Variants in ETS1 observed in about 807,000 individuals in gnomAD.
ETS1 encodes the protein ETS proto-oncogene 1, transcription factor.
In ETS1, 15 loss-of-function variants were observed where a neutral mutation model predicts 58.6. The ratio of observed to expected loss-of-function variants is 0.26; its 90% CI spans 0.17 to 0.39. ETS1 has a LOEUF of 0.39. Among genes scored for constraint, ETS1 ranks in the 10% least tolerant of loss-of-function variants. The pLI is 1.00. For missense variants in ETS1, 417 were observed against 610.5 expected, an observed-to-expected ratio of 0.68 and a Z score of 3.34; for synonymous variants, 214 against 218.2, an observed-to-expected ratio of 0.98 and a Z score of 0.17.
rs185928702 is a variant in ETS1, at chr11:128,532,672, C to G, written c.214+23619G>C. ...TCTTGCTCTCCTTTTTTTTTTTCCC[C>G]AGTGACTTTGGGGAGGTTTGGGCAG... is the stretch of plus-strand genomic sequence containing the variant. On this transcript the variant is annotated intron_variant, in intron 3 of 9. Coordinates refer to ENST00000392668, the MANE Select transcript of ETS1 (RefSeq NM_001143820.2). 3.3e-5 allele frequency among the ~76,000 whole-genome samples: 5 copies of G among 151,456 alleles called. No homozygotes were observed. The East Asian group carries it at 9.7e-4, about 29-fold the overall frequency.
chr11:128,464,900 T>C lies in ETS1; in HGVS notation c.1124-1273A>G, dbSNP rs189250651. Among the ~76,000 whole-genome samples the C allele has an allele frequency of 6.6e-6, 1 of 152,272 alleles. No homozygotes were observed. The highest frequency in any genetic ancestry group is 1.5e-5 in the Non-Finnish European group (1 of 67,994). ...TGCTCCTAAAATCCACACCCAACCC[T>C]CTGCTGTAAGGAGAGGCACAAGTGG... On this transcript the variant is annotated intron_variant, in intron 8 of 9. Transcript: ENST00000392668. The surrounding 1 kb of genome is among the most constrained non-coding windows in gnomAD (Gnocchi z 4.1).
At chr11:128,506,486 G>T (rs920835951) in intron 3 of ETS1, among the ~76,000 whole-genome samples, 1 of 152,148 alleles carries the variant, frequency 6.6e-6, no homozygotes, top group African/African-American at 2.4e-5. Flanking sequence ...CGGCTGAAGC[G>T]GAAGGTTTTG....
At position 128,513,702 on chromosome 11, in the gene ETS1, A is replaced by G. The variant is rs888032154; in HGVS notation, c.215-23126T>C. Among the ~76,000 whole-genome samples the G allele has an allele frequency of 5.9e-5, 9 of 152,254 alleles. No homozygotes were observed. In the East Asian group the frequency reaches 1.5e-3, roughly 26 times the overall value. On this transcript the variant is annotated intron_variant, in intron 3 of 9. Transcript: ENST00000392668. Reference sequence around the variant, plus strand: ...GGTACTAGAAGTACAAAAGTCGGTTACATGGAAACTCTTTCACTGAAAATT... The same window carrying G: ...GGTACTAGAAGTACAAAAGTCGGTTGCATGGAAACTCTTTCACTGAAAATT...
chr11:128,579,981 T>C (rs1296829350), intron 1 of ETS1, among the ~76,000 whole-genome samples: 1 of 151,916 alleles, frequency 6.6e-6, no homozygotes, highest in African/African-American at 2.4e-5. Flanking sequence ...CCTGTATCTA[T>C]GCCTGTTTCT....
intron 8 of ETS1, among the ~76,000 whole-genome samples, chr11:128,469,754 T>C (rs1364199066): frequency 6.6e-6 from 1 of 152,172 alleles, no homozygotes; most frequent in African/African-American, 2.4e-5. Context: ...AAAATTATTT[T>C]AAGAAGATTA....
intron 3 of ETS1, among the ~76,000 whole-genome samples, chr11:128,551,135 G>A (rs1864221799): frequency 6.6e-6 from 1 of 152,244 alleles, no homozygotes; most frequent in African/African-American, 2.4e-5. Context: ...AAAGAAGAGA[G>A]GGGTGCAGCA....
intron 1 of ETS1, among the ~76,000 whole-genome samples, chr11:128,578,507 C>T (rs1220331099): frequency 6.6e-6 from 1 of 152,006 alleles, no homozygotes; most frequent in Non-Finnish European, 1.5e-5. Context: ...CTTTTGAAAT[C>T]AGCAGTTTTT....
chr11:128,464,642 T>A lies in ETS1; in HGVS notation c.1124-1015A>T, dbSNP rs1265960626. On this transcript the variant is annotated intron_variant, in intron 8 of 9. Coordinates refer to ENST00000392668, the MANE Select transcript of ETS1 (RefSeq NM_001143820.2). This position sits in a 1 kb window ranked among gnomAD's most constrained non-coding sequence, Gnocchi z 4.1. ...GACTGGGAAAGACCCAGTCCATGTC[T>A]CTGGATACAGCCCAGGAAGCACCAG... Among the ~76,000 whole-genome samples the A allele has an allele frequency of 6.6e-6, 1 of 152,146 alleles. No individual in the cohort carries two copies. The highest frequency in any genetic ancestry group is 1.5e-5 in the Non-Finnish European group (1 of 68,030).
Position 128,503,801 on chromosome 11 carries a change from A to G in ETS1, c.215-13225T>C, listed in dbSNP as rs184600421. ...GAGTCAGGAGAAGGCAGAGAGACAC[A>G]CATTCTTACCCTAAAGCAAGGCTGA... is the stretch of plus-strand genomic sequence containing the variant. On this transcript the variant is annotated intron_variant, in intron 3 of 9. Transcript: ENST00000392668. Among the ~76,000 whole-genome samples the G allele has an allele frequency of 6.6e-5, 10 of 152,262 alleles. No individual in the cohort carries two copies. In the East Asian group the frequency reaches 1.7e-3, roughly 26 times the overall value.
chr11:128,489,163 C>G, intron 5 of ETS1, 127 bp downstream of exon 5: 2 of 773,598 alleles, frequency 2.6e-6, no homozygotes, highest in Non-Finnish European at 4.6e-6. Context: ...AGGCACATTC[C>G]CACATACGTC....
At chr11:128,529,865 A>AG (rs1863867553) in intron 3 of ETS1, among the ~76,000 whole-genome samples, 1 of 152,146 alleles carries the variant, frequency 6.6e-6, no homozygotes, top group African/African-American at 2.4e-5. Context: ...TAGCTTCACC[A>AG]ATGCTAACTC....
At chr11:128,541,629 A>T (rs903978821) in intron 3 of ETS1, among the ~76,000 whole-genome samples, 1 of 152,130 alleles carries the variant, frequency 6.6e-6, no homozygotes, top group Non-Finnish European at 1.5e-5. Context: ...AATTTTTGTT[A>T]CTTCTTAACC....
intron 3 of ETS1, among the ~76,000 whole-genome samples, chr11:128,531,100 C>T (rs1206882616): frequency 1.3e-5 from 2 of 152,198 alleles, no homozygotes; most frequent in African/African-American, 4.8e-5. Flanking sequence ...GGTTTCCTCA[C>T]TATAGAATAA....
At chr11:128,560,117 T>G (rs1217134399) in intron 2 of ETS1, among the ~76,000 whole-genome samples, 2 of 152,180 alleles carry the variant, frequency 1.3e-5, no homozygotes, top group African/African-American at 4.8e-5. Flanking sequence ...GTCTCCTTTT[T>G]TTTTTTTTCT....
intron 1 of ETS1, among the ~76,000 whole-genome samples, chr11:128,581,911 G>A (rs1864878314): frequency 6.6e-6 from 1 of 152,150 alleles, no homozygotes; most frequent in Non-Finnish European, 1.5e-5. Context: ...TTGCAATAAT[G>A]CCCCTTTAAA....
At chr11:128,539,475 C>T (rs748382599) in intron 3 of ETS1, among the ~76,000 whole-genome samples, 2 of 151,778 alleles carry the variant, frequency 1.3e-5, no homozygotes, top group East Asian at 3.9e-4. Flanking sequence ...TAAAGAAATG[C>T]AAATCAAAAC....
At chr11:128,536,833 C>T (rs895553650) in intron 3 of ETS1, 1 of 152,234 alleles carries the variant, frequency 6.6e-6, no homozygotes, top group African/African-American at 2.4e-5. Flanking sequence ...TCATTTCATA[C>T]TCTCTTCATA....
intron 8 of ETS1, among the ~76,000 whole-genome samples, chr11:128,478,511 C>CG (rs1862397311): frequency 6.6e-6 from 1 of 151,910 alleles, no homozygotes. Flanking sequence ...GGGCAGGCAA[C>CG]TATCAATCTA....
intron 8 of ETS1, among the ~76,000 whole-genome samples, chr11:128,476,329 T>A (rs551298798): frequency 6.6e-6 from 1 of 152,334 alleles, no homozygotes; most frequent in African/African-American, 2.4e-5. Flanking sequence ...TGTTCATTAG[T>A]GACAAGAGGG....
Sources: gnomAD v4.1 joint callset for allele counts (sites outside exome capture counted in the v4.1 genomes callset) on GRCh38, gnomAD v4.1.1 for gene constraint, Gnocchi (gnomAD v3.1) non-coding constraint, MANE v1.5 for transcripts, NCBI Gene and HGNC (gene_info 2026-07-23, HGNC 2026-07-21) for gene names.